Variants in CCDC146 observed in about 807,000 individuals in gnomAD.
CCDC146 encodes coiled-coil domain containing 146, also known as coiled-coil domain-containing protein 146.
A neutral mutation model predicts 119.3 loss-of-function variants in CCDC146; 92 were observed. The ratio of observed to expected loss-of-function variants is 0.77; its 90% CI spans 0.65 to 0.92. The LOEUF (loss-of-function observed/expected upper bound fraction) is 0.92, where lower values mean the gene tolerates loss of function less well. CCDC146 is among the 40% of genes least tolerant of loss of function. The probability of loss-of-function intolerance (pLI) is 0.00; values close to 1 mark genes in which losing one functional copy is unlikely to be tolerated. For missense variants in CCDC146, 1,000 were observed against 1,103.0 expected (o/e 0.91, Z 1.32); for synonymous variants, 372 against 371.8 (o/e 1.00, Z -0.01).
At chr7:77,267,838 A>G (rs1276236084) in intron 9 of CCDC146, among the ~76,000 whole-genome samples, 3 of 152,158 alleles carry the variant, frequency 2.0e-5, no homozygotes, top group Non-Finnish European at 4.4e-5. Flanking sequence ...ATCTCCTCTC[A>G]GTATATTAAA....
At chr7:77,264,568 C>A (rs1299508249) in intron 9 of CCDC146, among the ~76,000 whole-genome samples, 1 of 152,166 alleles carries the variant, frequency 6.6e-6, no homozygotes, top group South Asian at 2.1e-4. Flanking sequence ...CCCTATTTAC[C>A]GTCACTCTTT....
intron 2 of CCDC146, chr7:77,198,370 CA>C: frequency 1.0e-6 from 1 of 959,566 alleles, no homozygotes; most frequent in East Asian, 1.2e-4. Flanking sequence ...AGACAGTCAG[CA>C]ACAGTGGTCC....
At chr7:77,186,615 C>T (rs1202221122) in intron 2 of CCDC146, among the ~76,000 whole-genome samples, 1 of 151,958 alleles carries the variant, frequency 6.6e-6, no homozygotes, top group Non-Finnish European at 1.5e-5. Flanking sequence ...CTTAAAATAA[C>T]TAAGTATAAT....
intron 4 of CCDC146, among the ~76,000 whole-genome samples, chr7:77,253,597 C>A (rs1336650589): frequency 1.3e-5 from 2 of 152,114 alleles, no homozygotes; most frequent in Non-Finnish European, 2.9e-5. Flanking sequence ...TACTGGATGG[C>A]AACTATACGC....
At chr7:77,203,319 G>T (rs1792028667) in intron 2 of CCDC146, among the ~76,000 whole-genome samples, 1 of 152,070 alleles carries the variant, frequency 6.6e-6, no homozygotes, top group East Asian at 1.9e-4. Context: ...GCAGTAGGTT[G>T]GGGAGAGTGT....
intron 9 of CCDC146, among the ~76,000 whole-genome samples, chr7:77,266,580 A>G (rs1007742497): frequency 2.0e-5 from 3 of 152,238 alleles, no homozygotes; most frequent in Admixed American, 2.0e-4. Context: ...GAAAGGCTAT[A>G]AAGTAAATGG....
At chr7:77,170,097 G>C (rs531170471) in intron 2 of CCDC146, among the ~76,000 whole-genome samples, 2 of 152,190 alleles carry the variant, frequency 1.3e-5, no homozygotes, top group South Asian at 4.1e-4. Flanking sequence ...CTAGTACCCG[G>C]TAGGTAGTTT....
intron 2 of CCDC146, chr7:77,195,359 A>G (rs545405664): frequency 6.6e-6 from 1 of 152,290 alleles, no homozygotes; most frequent in East Asian, 1.9e-4. Flanking sequence ...TGCTTTCTGA[A>G]TGCTTTTTGG....
chr7:77,226,563 T>G (rs902488276), intron 2 of CCDC146, among the ~76,000 whole-genome samples: 2 of 152,274 alleles, frequency 1.3e-5, no homozygotes, highest in African/African-American at 4.8e-5. Flanking sequence ...TGAACTCTTT[T>G]TAAACTTTAT....
At position 77,262,313 on chromosome 7, in the gene CCDC146, G is replaced by A. The variant is rs926920573; in HGVS notation, c.1173+6G>A. 6.5e-7 allele frequency: 1 copy of A among 1,528,286 alleles called. No individual in the cohort carries two copies. Among genetic ancestry groups the A allele is most frequent in the East Asian group, 2.4e-5 (1 of 41,680 alleles). 94.7% of individuals were successfully genotyped at this position (1,528,286 alleles called of 1,614,324 possible). Reference sequence around the variant, plus strand: ...ATCAAAGGCTTCTATTAGAGGTGAGGGCTGTAAACTACCATCTGATTTTTA... The same window carrying A: ...ATCAAAGGCTTCTATTAGAGGTGAGAGCTGTAAACTACCATCTGATTTTTA... On this transcript the variant is annotated splice_donor_region_variant and intron_variant, in intron 9 of 18. Coordinates refer to ENST00000285871, the MANE Select transcript of CCDC146 (RefSeq NM_020879.3).
In CCDC146 at chr7:77,204,111, G is replaced by T. The variant is rs1297865447; in HGVS notation, c.157-32836G>T. ...GATAGTCGTATTTATAGTATTGAGA[G>T]CCTTTCACTGATATTAAGCTTATTA... On this transcript the variant is annotated intron_variant, in intron 2 of 18. Coordinates refer to ENST00000285871, the MANE Select transcript of CCDC146 (RefSeq NM_020879.3). Among the ~76,000 whole-genome samples, 5 of 151,834 alleles carry T rather than the reference G, an allele frequency of 3.3e-5. No homozygotes were observed. In the East Asian group the frequency reaches 9.7e-4, roughly 29 times the overall value.
At chr7:77,283,530 AT>A (rs1157564422) in intron 15 of CCDC146, among the ~76,000 whole-genome samples, 2 of 151,868 alleles carry the variant, frequency 1.3e-5, no homozygotes, top group African/African-American at 4.8e-5. Context: ...TTGCGTTTGG[AT>A]TTTTTTTCCT....
Position 77,286,782 on chromosome 7 carries a change from G to C in CCDC146, c.2149-16G>C, listed in dbSNP as rs749476455. ...CTAGAGCGTTCATTTTAAAGTTAATGTTTTTTTCTTAATAGTTTTCACAGT... is the reference window on the plus strand; with the variant it reads ...CTAGAGCGTTCATTTTAAAGTTAATCTTTTTTTCTTAATAGTTTTCACAGT... On this transcript the variant is annotated splice_polypyrimidine_tract_variant and intron_variant, in intron 15 of 18. Coordinates refer to ENST00000285871, the MANE Select transcript of CCDC146 (RefSeq NM_020879.3). 6.2e-7 allele frequency: 1 copy of C among 1,611,072 alleles called. No homozygotes were observed. The highest frequency in any genetic ancestry group is 2.2e-5 in the East Asian group (1 of 44,840).
At chr7:77,153,602 T>C (rs1247148333) in intron 1 of CCDC146, among the ~76,000 whole-genome samples, 1 of 149,102 alleles carries the variant, frequency 6.7e-6, no homozygotes, top group African/African-American at 2.5e-5. Flanking sequence ...CTTCAAGATA[T>C]AGCTATTGAA....
intron 2 of CCDC146, among the ~76,000 whole-genome samples, chr7:77,224,026 TAAG>T (rs1319731303): frequency 6.6e-6 from 1 of 152,120 alleles, no homozygotes; most frequent in Non-Finnish European, 1.5e-5. Context: ...TCCAAGTAGA[TAAG>T]AAGAGAGAAA....
chr7:77,252,435 C>T (rs894855868), intron 4 of CCDC146, among the ~76,000 whole-genome samples: 4 of 152,040 alleles, frequency 2.6e-5, no homozygotes, highest in Non-Finnish European at 5.9e-5. Context: ...AAGCAAGAAA[C>T]GGGCTTCAAG....
chr7:77,203,393 C>A (rs1792029900), intron 2 of CCDC146, among the ~76,000 whole-genome samples: 1 of 116,490 alleles, frequency 8.6e-6, no homozygotes, highest in African/African-American at 5.1e-5. Context: ...ATGCAAATAT[C>A]AAGCAAAGAG....
chr7:77,183,118 A>G (rs148972305), intron 2 of CCDC146, among the ~76,000 whole-genome samples: 87 of 152,082 alleles, frequency 5.7e-4, no homozygotes, highest in Admixed American at 9.8e-4. Flanking sequence ...AACTTCCCCA[A>G]ATTCCTCATC....
At chr7:77,149,548 T>C (rs1011773943) in intron 1 of CCDC146, among the ~76,000 whole-genome samples, 3 of 152,034 alleles carry the variant, frequency 2.0e-5, no homozygotes, top group Non-Finnish European at 4.4e-5. Flanking sequence ...GGTGGATAAC[T>C]TGAGGTCAGA....
Sources: allele counts gnomAD v4.1 joint callset (sites outside exome capture counted in the v4.1 genomes callset), GRCh38; gene constraint gnomAD v4.1.1; transcripts MANE v1.5; gene names NCBI Gene and HGNC (gene_info 2026-07-23, HGNC 2026-07-21).